The following RANBP2 variants were observed in gnomAD, a reference collection of about 807,000 sequenced individuals.
RANBP2 encodes RAN binding protein 2.
RANBP2 carries 57 observed loss-of-function variants against 303.6 expected under a neutral mutation model. The observed-to-expected ratio is 0.19, with a 90% confidence interval of 0.15 to 0.23. The LOEUF is 0.23. Among genes scored for constraint, RANBP2 ranks in the 10% least tolerant of loss-of-function variants. The probability of loss-of-function intolerance (pLI) is 1.00; values close to 1 mark genes in which losing one functional copy is unlikely to be tolerated. For synonymous variants in RANBP2, 1,167 were observed against 1,301.5 expected (o/e 0.90, Z 2.23); for missense variants, 3,138 against 3,780.8 (o/e 0.83, Z 4.46).
chr2:109,243,737 A>G, the RANBP2 span, among the ~76,000 whole-genome samples: 1 of 152,226 alleles, frequency 6.6e-6, no homozygotes, highest in East Asian at 1.9e-4. Context: ...TGGTGTTTTC[A>G]GAGAACCTCG....
chr2:109,369,975 A>G, the RANBP2 span, among the ~76,000 whole-genome samples: 1 of 152,220 alleles, frequency 6.6e-6, no homozygotes, highest in African/African-American at 2.4e-5. Context: ...CCATGAGGCC[A>G]TCTCTTGGCC....
chr2:108,861,032 T>A, the RANBP2 span, among the ~76,000 whole-genome samples: 13 of 150,836 alleles, frequency 8.6e-5, 1 homozygote, highest in Non-Finnish European at 1.5e-5. Context: ...TTTCAATTTC[T>A]TCCTGATTCA....
At chr2:109,063,928 T>A in the RANBP2 span, among the ~76,000 whole-genome samples, 1 of 152,210 alleles carries the variant, frequency 6.6e-6, no homozygotes, top group African/African-American at 2.4e-5. Flanking sequence ...TCTTTTGGGC[T>A]TATTCTCATG....
chr2:109,700,344 A>G, the RANBP2 span, among the ~76,000 whole-genome samples: 5 of 152,184 alleles, frequency 3.3e-5, no homozygotes, highest in African/African-American at 1.2e-4. Context: ...TGACGTACCT[A>G]AGGTGGTTGG....
chr2:109,667,854 C>T, the RANBP2 span: 1 of 186,894 alleles, frequency 5.4e-6, no homozygotes, highest in Non-Finnish European at 1.2e-5. Flanking sequence ...GCAGCACCTG[C>T]AGAATAAAGA....
chr2:108,852,863 A>G, the RANBP2 span, among the ~76,000 whole-genome samples: 3 of 152,318 alleles, frequency 2.0e-5, no homozygotes, highest in East Asian at 3.9e-4. Flanking sequence ...GTACCTGTGT[A>G]ACAAACCTGC....
At chr2:109,175,519 A>G in the RANBP2 span, among the ~76,000 whole-genome samples, 2 of 152,230 alleles carry the variant, frequency 1.3e-5, no homozygotes, top group Non-Finnish European at 2.9e-5. Context: ...GAGAGCAAAC[A>G]AGGATGAGCT....
At chr2:109,220,126 G>A in the RANBP2 span, among the ~76,000 whole-genome samples, 1 of 152,218 alleles carries the variant, frequency 6.6e-6, no homozygotes, top group Non-Finnish European at 1.5e-5. Context: ...ACTGTCACAT[G>A]TATGGTCCAT....
At chr2:109,602,854 C>G in the RANBP2 span, among the ~76,000 whole-genome samples, 26 of 149,514 alleles carry the variant, frequency 1.7e-4, no homozygotes, top group African/African-American at 5.7e-4. Context: ...GAAATAGATA[C>G]CCATTAAAAG....
rs762467904 is a variant in RANBP2 at position 108,736,227 on chromosome 2, G to C, written c.760G>C (p.Glu254Gln). The change falls in exon 6 of 29, where the codon GAA becomes CAA. Residue 254 changes from glutamate to glutamine, a missense_variant. Transcript: ENST00000283195. ...LLTLSTRDVQ[E>Q]SRELLQSFDS... The stretch of plus-strand genomic sequence containing the variant: ...TACGCTTTCCACTAGAGATGTGCAG[G>C]AAAGTAGAGAATTACTGCAAAGGTA... 6.2e-7 allele frequency: 1 copy of C among 1,611,948 alleles called. No homozygotes were observed. The highest frequency in any genetic ancestry group is 8.5e-7 in the Non-Finnish European group (1 of 1,179,836).
the RANBP2 span, among the ~76,000 whole-genome samples, chr2:109,267,165 G>A: frequency 2.6e-5 from 4 of 152,080 alleles, no homozygotes; most frequent in Admixed American, 6.6e-5. Flanking sequence ...GCTTCCGATC[G>A]GTGATTTCCC....
At chr2:109,339,202 AC>A in the RANBP2 span, among the ~76,000 whole-genome samples, 1 of 148,144 alleles carries the variant, frequency 6.8e-6, no homozygotes, top group Non-Finnish European at 1.5e-5. Context: ...ACTCGGTATA[AC>A]TTTTATTGAA....
the RANBP2 span, among the ~76,000 whole-genome samples, chr2:109,403,259 G>T: frequency 2.0e-5 from 3 of 152,140 alleles, no homozygotes; most frequent in Non-Finnish European, 4.4e-5. Context: ...CAGCTGTTAG[G>T]GGTGCGTCTG....
At chr2:109,689,519 G>A in the RANBP2 span, among the ~76,000 whole-genome samples, 12 of 152,184 alleles carry the variant, frequency 7.9e-5, no homozygotes, top group African/African-American at 2.7e-4. Context: ...AGGCATAGAA[G>A]AGCAGAGAGG....
At chr2:109,282,480 C>T in the RANBP2 span, among the ~76,000 whole-genome samples, 17 of 152,140 alleles carry the variant, frequency 1.1e-4, no homozygotes, top group African/African-American at 3.4e-4. Flanking sequence ...CAGGAAGGCC[C>T]GAGGGTCACC....
the RANBP2 span, among the ~76,000 whole-genome samples, chr2:108,881,145 C>G: frequency 6.6e-6 from 1 of 152,230 alleles, no homozygotes; most frequent in African/African-American, 2.4e-5. Flanking sequence ...CATTGAAAAT[C>G]TGTTGTGTAG....
chr2:109,742,133 AG>A, the RANBP2 span, among the ~76,000 whole-genome samples: 2 of 71,736 alleles, frequency 2.8e-5, no homozygotes, highest in Admixed American at 3.6e-4. Flanking sequence ...AAAATATACA[AG>A]ATATAGGCCA....
chr2:108,990,583 G>C, the RANBP2 span, among the ~76,000 whole-genome samples: 1 of 152,100 alleles, frequency 6.6e-6, no homozygotes, highest in Non-Finnish European at 1.5e-5. Context: ...GCAACAGAGC[G>C]AGAATCTGTC....
chr2:108,818,619 C>T, the RANBP2 span, among the ~76,000 whole-genome samples: 1 of 152,152 alleles, frequency 6.6e-6, no homozygotes, highest in African/African-American at 2.4e-5. Flanking sequence ...TTGTGGCCAT[C>T]GCAAGCAGGT....
Sources: allele counts gnomAD v4.1 joint callset (sites outside exome capture counted in the v4.1 genomes callset), GRCh38; gene constraint gnomAD v4.1.1; transcripts MANE v1.5; gene names NCBI Gene and HGNC (gene_info 2026-07-23, HGNC 2026-07-21).